SLC22A11: variants seen among roughly 807,000 people sequenced by gnomAD.
The protein encoded by SLC22A11 is solute carrier family 22 member 11.
SLC22A11 carries 42 observed loss-of-function variants against 49.4 expected under a neutral mutation model. The ratio of observed to expected loss-of-function variants is 0.85; its 90% CI spans 0.66 to 1.10. The LOEUF (loss-of-function observed/expected upper bound fraction) is 1.10. Among genes scored for constraint, SLC22A11 ranks in the 50% least tolerant of loss-of-function variants. The probability of loss-of-function intolerance (pLI) is 0.00; values close to 1 mark genes in which losing one functional copy is unlikely to be tolerated. For missense variants in SLC22A11, 685 were observed against 731.6 expected, an observed-to-expected ratio of 0.94 and a Z score of 0.74; for synonymous variants, 304 against 315.8, an observed-to-expected ratio of 0.96 and a Z score of 0.40.
rs1004672006 is a variant in SLC22A11, at chr11:64,565,250, T to A, written c.971T>A (p.Val324Glu). 1 of 1,546,222 alleles carries A rather than the reference T, an allele frequency of 6.5e-7. No individual in the cohort carries two copies. The highest frequency in any genetic ancestry group is 2.0e-5 in the Admixed American group (1 of 51,014). Residue 324 changes from valine (V) to glutamate (E), a missense_variant, in exon 6 of 10, where the codon GTG becomes GAG. Transcript: ENST00000301891. The surrounding 1 kb of genome is among the most constrained non-coding windows in gnomAD (Gnocchi z 4.1). ...CTGATGTCCAGCGTGAAGGAGGAGG[T>A]GGCCTCTGCAAAGGAGCCGCGGTCG... ...EVLMSSVKEE[V>E]ASAKEPRSVL...
chr11:64,562,513 C>A lies in SLC22A11; in HGVS notation c.821+78C>A. ...TCTTCACTTTCACCTCTCTGGCTGGCAGTAGGTCCAGAGACCTGGAGTGCC... is the reference window on the plus strand; with the variant it reads ...TCTTCACTTTCACCTCTCTGGCTGGAAGTAGGTCCAGAGACCTGGAGTGCC... On this transcript the variant is annotated intron_variant, in intron 4 of 9. Coordinates refer to ENST00000301891, the MANE Select transcript of SLC22A11 (RefSeq NM_018484.4). This position sits in a 1 kb window ranked among gnomAD's most constrained non-coding sequence, Gnocchi z 4.4. 7.0e-7 allele frequency: 1 copy of A among 1,431,216 alleles called. No homozygotes were observed. The highest frequency in any genetic ancestry group is 9.3e-7 in the Non-Finnish European group (1 of 1,076,336). The allele number at this position is 1,431,216 out of a possible 1,614,324, so 88.7% of individuals were successfully genotyped here.
Position 64,565,805 on chromosome 11 carries a change from G to A in SLC22A11, c.1058+468G>A. 3.0e-6 allele frequency: 1 copy of A among 336,320 alleles called. No individual in the cohort carries two copies. The highest frequency in any genetic ancestry group is 2.4e-5 in the South Asian group (1 of 42,210). 20.8% of individuals were successfully genotyped at this position (336,320 alleles called of 1,614,324 possible). On this transcript the variant is annotated intron_variant, in intron 6 of 9. Coordinates refer to ENST00000301891, the MANE Select transcript of SLC22A11 (RefSeq NM_018484.4). The surrounding 1 kb of genome is among the most constrained non-coding windows in gnomAD (Gnocchi z 4.1). ...CTGATGGGGAAAGAGGATCCCAGAG[G>A]GGTAAGGAACAAGCCCAAAATAATA...
At chr11:64,570,538 G>A (rs542071880) in intron 9 of SLC22A11, among the ~76,000 whole-genome samples, 2 of 152,316 alleles carry the variant, frequency 1.3e-5, no homozygotes, top group South Asian at 4.1e-4. Context: ...AAGCACTCTG[G>A]ACATGTGGTT....
At chr11:64,559,346 C>A in intron 2 of SLC22A11, 108 bp downstream of exon 2, 1 of 827,966 alleles carries the variant, frequency 1.2e-6, no homozygotes, top group Non-Finnish European at 1.8e-6. Flanking sequence ...CTGCTTCCGT[C>A]TCCCTCCTGC....
At position 64,571,042 on chromosome 11, in the gene SLC22A11, G is replaced by T. The variant is rs767941604; in HGVS notation, c.1653G>T (p.Ter551TyrextTer89). The T allele has an allele frequency of 1.6e-5, 26 of 1,614,250 alleles. 1 individual carries two copies. The South Asian group carries it at 2.7e-4, about 17-fold the overall frequency. Residue 551 changes from the stop codon to tyrosine (Y), a stop_lost, in exon 10 of 10, where the codon TAG (stop) becomes TAT (tyrosine). Transcript: ENST00000301891. Reference protein sequence around the residue: ...EAVTVESTSL* With the variant: ...EAVTVESTSLY ...TCACTGTGGAAAGTACCTCGCTCTAGAAATTGTGCCTGCATGGAGCCCCTT... is the reference window on the plus strand; with the variant it reads ...TCACTGTGGAAAGTACCTCGCTCTATAAATTGTGCCTGCATGGAGCCCCTT...
At chr11:64,569,255 G>A (rs1324266790) in intron 8 of SLC22A11, among the ~76,000 whole-genome samples, 1 of 152,204 alleles carries the variant, frequency 6.6e-6, no homozygotes, top group Non-Finnish European at 1.5e-5. Flanking sequence ...CAGAAGGGTA[G>A]GACTGGACTC....
Position 64,564,192 on chromosome 11 carries a change from C to T in SLC22A11, c.822-116C>T. 7.5e-7 allele frequency: 1 copy of T among 1,324,772 alleles called. No individual in the cohort carries two copies. The highest frequency in any genetic ancestry group is 1.4e-5 in the South Asian group (1 of 71,294). 82.1% of individuals were successfully genotyped at this position (1,324,772 alleles called of 1,614,324 possible). On this transcript the variant is annotated intron_variant, in intron 4 of 9. Transcript: ENST00000301891. This position sits in a 1 kb window ranked among gnomAD's most constrained non-coding sequence, Gnocchi z 4.2. ...TGGCTGGGCAGCAGCGGCACAGAAG[C>T]ATGTGCTTCCTCATCACTCATCTCA...
chr11:64,570,098 G>T (rs774344850), intron 9 of SLC22A11, among the ~76,000 whole-genome samples: 2 of 152,254 alleles, frequency 1.3e-5, no homozygotes, highest in Non-Finnish European at 2.9e-5. Flanking sequence ...CATACCTCAT[G>T]CAGGAAAATG....
Position 64,567,598 on chromosome 11 carries a change from G to C in SLC22A11, c.1059-1G>C, listed in dbSNP as rs2038643470. On this transcript the variant is annotated splice_acceptor_variant, in intron 6 of 9. Coordinates refer to ENST00000301891, the MANE Select transcript of SLC22A11 (RefSeq NM_018484.4). LOFTEE classifies it high-confidence loss of function. ...GACCTGACTTCCAGCCTTGCCCGCA[G>C]TTTCTCTCTATTGATCTCCTACTAT... The C allele has an allele frequency of 1.9e-6, 3 of 1,613,512 alleles. No homozygotes were observed. Among genetic ancestry groups the C allele is most frequent in the Non-Finnish European group, 2.5e-6 (3 of 1,179,746 alleles).
intron 4 of SLC22A11, among the ~76,000 whole-genome samples, chr11:64,563,610 T>TGAAAAAAAA (rs2038580887): frequency 2.3e-5 from 1 of 43,842 alleles, no homozygotes. Context: ...TTAAATGTGC[T>TGAAAAAAAA]AAAAAAAAAA....
At chr11:64,570,252 A>C (rs1166800281) in intron 9 of SLC22A11, among the ~76,000 whole-genome samples, 3 of 152,360 alleles carry the variant, frequency 2.0e-5, no homozygotes, top group South Asian at 2.1e-4. Flanking sequence ...ATTTTCCCAC[A>C]AAGAATTTCA....
chr11:64,572,082 CA>C lies in SLC22A11; in HGVS notation c.*1041del, dbSNP rs2038712408. 6.6e-6 allele frequency: 1 copy of C among 152,374 alleles called. No homozygotes were observed. Among genetic ancestry groups the C allele is most frequent in the East Asian group, 1.9e-4 (1 of 5,186 alleles). 9.4% of individuals were successfully genotyped at this position (152,374 alleles called of 1,614,324 possible). A position where few individuals can be genotyped will look rare whatever the true frequency, so the allele number is the denominator to read the frequency against. ...AAAGGGGAGAAGGGGAGCTCACAGG[CA>C]GGCCTGCCAAGGCCTTCTGGCTTTG... is the stretch of plus-strand genomic sequence containing the variant. On this transcript the variant is annotated 3_prime_UTR_variant, in exon 10 of 10. Coordinates refer to ENST00000301891, the MANE Select transcript of SLC22A11 (RefSeq NM_018484.4).
intron 2 of SLC22A11, among the ~76,000 whole-genome samples, chr11:64,559,830 G>T (rs1161756077): frequency 6.6e-6 from 1 of 152,170 alleles, no homozygotes; most frequent in African/African-American, 2.4e-5. Context: ...CAGGTGATGG[G>T]CACGCCAGGG....
chr11:64,561,967 C>T, intron 2 of SLC22A11, 37 bp from the exon 3 acceptor site: 5 of 1,580,634 alleles, frequency 3.2e-6, no homozygotes, highest in Non-Finnish European at 4.3e-6. Flanking sequence ...CCTCAGGGGC[C>T]CCTCTCCAGG....
chr11:64,569,591 G>T lies in SLC22A11; in HGVS notation c.1383-61G>T. ...CTTCCCCTGGCATCTGTGAGCCCAG[G>T]ATGTCTTCCTGCCACAGGGCCAGCT... On this transcript the variant is annotated intron_variant, in intron 8 of 9. Coordinates refer to ENST00000301891, the MANE Select transcript of SLC22A11 (RefSeq NM_018484.4). 9 of 1,538,332 alleles carry T rather than the reference G, an allele frequency of 5.9e-6. No individual in the cohort carries two copies. The South Asian group carries it at 1.1e-4, about 18-fold the overall frequency.
Position 64,571,040 on chromosome 11 carries a change from T to C in SLC22A11, c.1651T>C (p.Ter551GlnextTer89). 1.2e-6 allele frequency: 2 copies of C among 1,614,226 alleles called. No individual in the cohort carries two copies. Among genetic ancestry groups the C allele is most frequent in the Non-Finnish European group, 1.7e-6 (2 of 1,180,028 alleles). Residue 551 changes from the stop codon to glutamine (Q), a stop_lost, in exon 10 of 10, where the codon TAG (stop) becomes CAG (glutamine). Coordinates refer to ENST00000301891, the MANE Select transcript of SLC22A11 (RefSeq NM_018484.4). Reference sequence around the variant, plus strand: ...CGTCACTGTGGAAAGTACCTCGCTCTAGAAATTGTGCCTGCATGGAGCCCC... The same window carrying C: ...CGTCACTGTGGAAAGTACCTCGCTCCAGAAATTGTGCCTGCATGGAGCCCC... ...EAVTVESTSL[*>Q]
Position 64,567,796 on chromosome 11 carries a change from A to G in SLC22A11, c.1256A>G (p.Asn419Ser), listed in dbSNP as rs1210407918. 1 of 1,602,254 alleles carries G rather than the reference A, an allele frequency of 6.2e-7. No individual in the cohort carries two copies. Among genetic ancestry groups the G allele is most frequent in the Admixed American group, 1.7e-5 (1 of 58,312 alleles). The change falls in exon 7 of 10, where the codon AAC becomes AGC. Residue 419 changes from asparagine (N) to serine (S), a missense_variant. By Grantham distance (46) the Asn-to-Ser change is conservative. Coordinates refer to ENST00000301891, the MANE Select transcript of SLC22A11 (RefSeq NM_018484.4). Reference protein sequence around the residue: ...QAMAGLAILANMLVPQDLQTL... With the variant: ...QAMAGLAILASMLVPQDLQTL... ...ATGGCCGGCCTCGCCATTCTAGCCA[A>G]CATGCTGGTGCCGCAAGGTGAGGCA...
At chr11:64,558,388 C>T (rs1169408917) in intron 1 of SLC22A11, among the ~76,000 whole-genome samples, 1 of 152,198 alleles carries the variant, frequency 6.6e-6, no homozygotes, top group Non-Finnish European at 1.5e-5. Flanking sequence ...GAGGCTACTG[C>T]AGCTGCCCGG....
chr11:64,567,636 G>T lies in SLC22A11; in HGVS notation c.1096G>T (p.Asp366Tyr). ...LLISYYGLVF[D>Y]LQSLGRDIFL... ...GATCTCCTACTATGGGCTGGTCTTC[G>T]ACCTGCAGAGCCTGGGCCGTGACAT... Residue 366 changes from aspartate to tyrosine, a missense_variant, in exon 7 of 10, where the codon GAC becomes TAC. Coordinates refer to ENST00000301891, the MANE Select transcript of SLC22A11 (RefSeq NM_018484.4). 1 of 1,614,044 alleles carries T rather than the reference G, an allele frequency of 6.2e-7. No homozygotes were observed. The highest frequency in any genetic ancestry group is 8.5e-7 in the Non-Finnish European group (1 of 1,180,024).
Sources: allele counts gnomAD v4.1 joint callset (sites outside exome capture counted in the v4.1 genomes callset), GRCh38; gene constraint gnomAD v4.1.1; non-coding constraint Gnocchi (gnomAD v3.1); transcripts MANE v1.5; gene names NCBI Gene and HGNC (gene_info 2026-07-23, HGNC 2026-07-21).